Variants in KATNA1 observed in about 807,000 individuals in gnomAD.
The protein encoded by KATNA1 is katanin p60 ATPase-containing subunit A1.
In KATNA1, 42 loss-of-function variants were observed where a neutral mutation model predicts 62.6. The observed-to-expected ratio is 0.67, with a 90% CI of 0.52 to 0.87. KATNA1 has a LOEUF of 0.87. Among genes scored for constraint, KATNA1 ranks in the 40% least tolerant of loss-of-function variants. KATNA1 has a pLI of 0.00. For missense variants in KATNA1, 498 were observed against 612.5 expected, an observed-to-expected ratio of 0.81 and a Z score of 1.97; for synonymous variants, 186 against 201.9, an observed-to-expected ratio of 0.92 and a Z score of 0.67.
intron 3 of KATNA1, among the ~76,000 whole-genome samples, chr6:149,628,457 T>C (rs978476421): frequency 1.5e-4 from 23 of 151,796 alleles, no homozygotes; most frequent in Admixed American, 1.1e-3. Context: ...ACTGGATCAG[T>C]TGAATCTGTT....
chr6:149,638,259 C>A, intron 2 of KATNA1, 127 bp downstream of exon 2: 1 of 822,562 alleles, frequency 1.2e-6, no homozygotes, highest in East Asian at 2.5e-5. Flanking sequence ...CAGGAGTGAG[C>A]CACTGTGTAC....
At chr6:149,597,254 A>G (rs1158799515) in intron 9 of KATNA1, 65 bp from the exon 10 acceptor site, 3 of 1,520,610 alleles carry the variant, frequency 2.0e-6, no homozygotes, top group East Asian at 2.3e-5. Flanking sequence ...TATTGTCTCA[A>G]ATCTTCTTTG....
At chr6:149,647,857 A>G (rs1241969863) in intron 1 of KATNA1, among the ~76,000 whole-genome samples, 1 of 152,204 alleles carries the variant, frequency 6.6e-6, no homozygotes, top group African/African-American at 2.4e-5. Flanking sequence ...TTTTGATTAA[A>G]TAAGAGCTTG....
At chr6:149,646,274 T>C (rs1359199839) in intron 1 of KATNA1, among the ~76,000 whole-genome samples, 1 of 152,156 alleles carries the variant, frequency 6.6e-6, no homozygotes, top group African/African-American at 2.4e-5. Flanking sequence ...AAGACAAACA[T>C]AGAATATTAT....
intron 4 of KATNA1, among the ~76,000 whole-genome samples, chr6:149,619,635 T>C (rs1424627586): frequency 6.6e-6 from 1 of 151,002 alleles, no homozygotes; most frequent in East Asian, 1.9e-4. Flanking sequence ...AGACAAAAAC[T>C]AACAAATGCT....
intron 1 of KATNA1, among the ~76,000 whole-genome samples, chr6:149,645,782 G>A (rs1015530135): frequency 1.3e-5 from 2 of 151,976 alleles, no homozygotes; most frequent in African/African-American, 4.8e-5. Flanking sequence ...TCAAGTGACA[G>A]AATCAAATTT....
intron 3 of KATNA1, among the ~76,000 whole-genome samples, chr6:149,627,070 A>G (rs966806102): frequency 2.0e-5 from 3 of 151,990 alleles, no homozygotes; most frequent in Non-Finnish European, 4.4e-5. Context: ...ATGAAACAGT[A>G]CATCAGGTAA....
At chr6:149,619,400 C>T (rs1779308049) in intron 4 of KATNA1, among the ~76,000 whole-genome samples, 1 of 152,056 alleles carries the variant, frequency 6.6e-6, no homozygotes, top group Non-Finnish European at 1.5e-5. Context: ...ACTGCCTGAG[C>T]TCAGGGGTTC....
rs868427970 is a variant in KATNA1 at position 149,618,933 on chromosome 6, G to A, written c.501+4170C>T. Among the ~76,000 whole-genome samples the A allele has an allele frequency of 1.4e-4, 21 of 152,154 alleles. 1 individual carries two copies. Among genetic ancestry groups the A allele is most frequent in the Admixed American group, 1.3e-4 (2 of 15,258 alleles). On this transcript the variant is annotated intron_variant, in intron 4 of 10. Transcript: ENST00000367411. ...ACATTGGTCTGGGCCAAGATTTTAG[G>A]AAGACCTCAAAAGCACAGGCAACAA...
At chr6:149,642,042 A>G (rs575079695) in intron 1 of KATNA1, among the ~76,000 whole-genome samples, 2 of 152,240 alleles carry the variant, frequency 1.3e-5, no homozygotes, top group South Asian at 4.2e-4. Context: ...AGCTAGGACT[A>G]CAGGCGCTCA....
At chr6:149,610,510 C>G (rs1778910393) in intron 4 of KATNA1, among the ~76,000 whole-genome samples, 1 of 152,052 alleles carries the variant, frequency 6.6e-6, no homozygotes, top group Non-Finnish European at 1.5e-5. Context: ...AGTATATTCT[C>G]AAAGCACAAA....
At chr6:149,600,211 A>C (rs1778484598) in intron 7 of KATNA1, among the ~76,000 whole-genome samples, 1 of 150,814 alleles carries the variant, frequency 6.6e-6, no homozygotes, top group Non-Finnish European at 1.5e-5. Context: ...AAAAAAAAAA[A>C]AAAAAAAAAG....
At chr6:149,645,169 G>A (rs1480524511) in intron 1 of KATNA1, among the ~76,000 whole-genome samples, 3 of 152,006 alleles carry the variant, frequency 2.0e-5, no homozygotes, top group African/African-American at 2.4e-5. Context: ...AAAGCTGGCC[G>A]CGCGCAGTGG....
At chr6:149,640,200 G>A (rs1270451378) in intron 1 of KATNA1, among the ~76,000 whole-genome samples, 2 of 152,176 alleles carry the variant, frequency 1.3e-5, no homozygotes, top group Non-Finnish European at 2.9e-5. Flanking sequence ...AAATGTGTCT[G>A]CCATGAAACT....
Position 149,631,137 on chromosome 6 carries a change from C to T in KATNA1, c.320+1622G>A, listed in dbSNP as rs138230156. ...CAACCAGGCCGGGTGTGGTGGCTCACGCCTGTAATCCCAGCACTTTAGGAG... is the reference window on the plus strand; with the variant it reads ...CAACCAGGCCGGGTGTGGTGGCTCATGCCTGTAATCCCAGCACTTTAGGAG... On this transcript the variant is annotated intron_variant, in intron 3 of 10. Coordinates refer to ENST00000367411, the MANE Select transcript of KATNA1 (RefSeq NM_007044.4). Among the ~76,000 whole-genome samples, 1,250 of 152,220 alleles carry T rather than the reference C, an allele frequency of 8.2e-3. 14 individuals are homozygous for T. The highest frequency in any genetic ancestry group is 0.028 in the African/African-American group (1,145 of 41,532).
intron 1 of KATNA1, among the ~76,000 whole-genome samples, chr6:149,640,700 C>T (rs562173992): frequency 9.2e-5 from 14 of 151,640 alleles, no homozygotes; most frequent in Admixed American, 1.3e-4. Flanking sequence ...GCCATGCATC[C>T]ACCACGCCCG....
At chr6:149,614,824 A>G (rs1779099296) in intron 4 of KATNA1, among the ~76,000 whole-genome samples, 1 of 152,180 alleles carries the variant, frequency 6.6e-6, no homozygotes, top group Admixed American at 6.6e-5. Flanking sequence ...AAGGGAATTA[A>G]AACATTTCAC....
intron 4 of KATNA1, among the ~76,000 whole-genome samples, chr6:149,614,052 G>A (rs901429861): frequency 1.6e-4 from 25 of 151,978 alleles, no homozygotes; most frequent in Non-Finnish European, 8.8e-5. Context: ...AACTGTGAGG[G>A]AAAAAAATCC....
intron 4 of KATNA1, among the ~76,000 whole-genome samples, chr6:149,609,541 A>G (rs1035940294): frequency 6.6e-6 from 1 of 152,026 alleles, no homozygotes; most frequent in Non-Finnish European, 1.5e-5. Context: ...ATGGTGGCTC[A>G]GGCCTGTAAT....
Sources: allele counts gnomAD v4.1 joint callset (sites outside exome capture counted in the v4.1 genomes callset), GRCh38; gene constraint gnomAD v4.1.1; transcripts MANE v1.5; gene names NCBI Gene and HGNC (gene_info 2026-07-23, HGNC 2026-07-21).